SEL1L2: variants seen among roughly 807,000 people sequenced by gnomAD.
SEL1L2 encodes protein sel-1 homolog 2.
A neutral mutation model predicts 98.8 loss-of-function variants in SEL1L2; 89 were observed. The ratio of observed to expected loss-of-function variants is 0.90; its 90% CI spans 0.76 to 1.07. The LOEUF is 1.07. Among genes scored for constraint, SEL1L2 ranks in the 50% least tolerant of loss-of-function variants. SEL1L2 has a pLI of 0.00. For synonymous variants in SEL1L2, 262 were observed against 278.5 expected (o/e 0.94, Z 0.59); for missense variants, 788 against 812.0 (o/e 0.97, Z 0.36).
intron 2 of SEL1L2, among the ~76,000 whole-genome samples, chr20:13,933,136 G>A (rs1027379505): frequency 1.3e-5 from 2 of 152,024 alleles, no homozygotes; most frequent in African/African-American, 2.4e-5. Flanking sequence ...TTGAACCTGC[G>A]AGGCGGAGGT....
intron 1 of SEL1L2, 76 bp from the exon 2 acceptor site, chr20:13,956,207 T>TA (rs1038903802): frequency 3.1e-5 from 23 of 738,824 alleles, no homozygotes; most frequent in African/African-American, 7.4e-5. Flanking sequence ...AATTTATTGT[T>TA]AAAAAAACTT....
chr20:13,968,586 T>C (rs1249236474), intron 1 of SEL1L2, among the ~76,000 whole-genome samples: 1 of 152,230 alleles, frequency 6.6e-6, no homozygotes, highest in Non-Finnish European at 1.5e-5. Context: ...AGTCAGTGAG[T>C]TGCTCATTGC....
At chr20:13,930,728 C>T (rs1172779687) in intron 3 of SEL1L2, among the ~76,000 whole-genome samples, 1 of 152,162 alleles carries the variant, frequency 6.6e-6, no homozygotes. Flanking sequence ...CAGAGACTAA[C>T]ATCAATGAGT....
At chr20:13,850,397 T>C in intron 18 of SEL1L2, 78 bp from the exon 19 acceptor site, 1 of 1,506,822 alleles carries the variant, frequency 6.6e-7, no homozygotes, top group Non-Finnish European at 9.2e-7. Context: ...CAATATCAAA[T>C]GTAATTAAGG....
chr20:13,913,908 T>G lies in SEL1L2; in HGVS notation c.423A>C (p.Gly141=), dbSNP rs775114763. 5.1e-6 allele frequency: 8 copies of G among 1,564,182 alleles called. No individual in the cohort carries two copies. In the South Asian group the frequency reaches 8.7e-5, roughly 17 times the overall value. ...CCATTTTCTCCATAGCTTTCAAGTT[T>G]CCCATGTCAGCTGCTTTGGCAAAAA... ...YLLFAKAADM[G]NLKAMEKMAD... is the part of the protein sequence containing the mutation. The change falls in exon 5 of 20, where the codon GGA becomes GGC. Residue 141 remains glycine (G), a synonymous_variant. Coordinates refer to ENST00000284951, the MANE Select transcript of SEL1L2 (RefSeq NM_025229.2).
At chr20:13,953,501 C>G (rs2050373246) in intron 2 of SEL1L2, among the ~76,000 whole-genome samples, 1 of 152,166 alleles carries the variant, frequency 6.6e-6, no homozygotes. Context: ...GTTAGATGTA[C>G]TTCTGCAGAG....
At chr20:13,951,483 C>A (rs145417535) in intron 2 of SEL1L2, among the ~76,000 whole-genome samples, 2 of 136,208 alleles carry the variant, frequency 1.5e-5, no homozygotes, top group African/African-American at 5.5e-5. Flanking sequence ...CACCTACAGT[C>A]CCAGCCTGGG....
chr20:13,885,323 G>A (rs1441046743), intron 10 of SEL1L2, 24 bp downstream of exon 10: 1 of 1,509,958 alleles, frequency 6.6e-7, no homozygotes, highest in African/African-American at 1.4e-5. Flanking sequence ...CACCCCATTT[G>A]ACTGGATCTT....
At position 13,872,689 on chromosome 20, in the gene SEL1L2, T is replaced by A. The variant is rs113993758; in HGVS notation, c.1105-2486A>T. Among the ~76,000 whole-genome samples the A allele has an allele frequency of 1.2e-3, 182 of 152,130 alleles. 3 individuals are homozygous for A. Among genetic ancestry groups the A allele is most frequent in the African/African-American group, 4.1e-3 (170 of 41,496 alleles). On this transcript the variant is annotated intron_variant, in intron 12 of 19. Transcript: ENST00000284951. ...GTTAGAATAGCAGGGACAAATTACTTTCTCCTCTAAGGGAGTCCCTGGGAT... is the reference window on the plus strand; with the variant it reads ...GTTAGAATAGCAGGGACAAATTACTATCTCCTCTAAGGGAGTCCCTGGGAT...
chr20:13,931,667 ATTC>A lies in SEL1L2; in HGVS notation c.216_218del (p.Lys72del). Reference sequence around the variant, plus strand: ...TTCCTTTTATTCTTATTTTACGTTGATTCTTCTTTTTCTCCAGGAGATTTTCTC... The same window carrying A: ...TTCCTTTTATTCTTATTTTACGTTGATTCTTTTTCTCCAGGAGATTTTCTC... On this transcript the variant is annotated inframe_deletion, in exon 3 of 20. Transcript: ENST00000284951. 3 of 1,532,512 alleles carry A rather than the reference ATTC, an allele frequency of 2.0e-6. No individual in the cohort carries two copies. The highest frequency in any genetic ancestry group is 1.8e-6 in the Non-Finnish European group (2 of 1,127,172). The allele number at this position is 1,532,512 out of a possible 1,614,324, so 94.9% of individuals were successfully genotyped here.
intron 1 of SEL1L2, among the ~76,000 whole-genome samples, chr20:13,956,709 T>C (rs935007531): frequency 4.6e-5 from 7 of 152,132 alleles, no homozygotes; most frequent in Non-Finnish European, 7.4e-5. Context: ...ACTATATATA[T>C]ATCATATAGA....
intron 2 of SEL1L2, among the ~76,000 whole-genome samples, chr20:13,950,445 T>G (rs1227295304): frequency 1.3e-5 from 2 of 152,054 alleles, no homozygotes; most frequent in African/African-American, 4.8e-5. Flanking sequence ...AGCCAAGTAA[T>G]AAGGGAAATG....
intron 3 of SEL1L2, among the ~76,000 whole-genome samples, chr20:13,927,100 C>T (rs1308342890): frequency 6.6e-6 from 1 of 152,026 alleles, no homozygotes; most frequent in African/African-American, 2.4e-5. Context: ...GTTAAAATAC[C>T]CTGAGGAAAA....
intron 1 of SEL1L2, among the ~76,000 whole-genome samples, chr20:13,958,000 TATGA>T (rs1241936190): frequency 6.6e-6 from 1 of 152,198 alleles, no homozygotes; most frequent in Non-Finnish European, 1.5e-5. Context: ...AGGTTCAAGA[TATGA>T]ATAAGTTTTA....
chr20:13,974,475 C>CTCTTTTTTTTTT (rs71335938), intron 1 of SEL1L2, among the ~76,000 whole-genome samples: 1 of 80,180 alleles, frequency 1.2e-5, no homozygotes, highest in Non-Finnish European at 2.2e-5. Flanking sequence ...CTCTCTCTCT[C>CTCTTTTTTTTTT]TTTTTTTTTT....
chr20:13,888,076 T>G, intron 6 of SEL1L2, 75 bp from the exon 7 acceptor site: 1 of 1,277,202 alleles, frequency 7.8e-7, no homozygotes, highest in Non-Finnish European at 1.1e-6. Context: ...AAACCAAGTA[T>G]TCCATTTTTA....
chr20:13,977,781 T>C (rs771502651), intron 1 of SEL1L2, among the ~76,000 whole-genome samples: 6 of 152,144 alleles, frequency 3.9e-5, no homozygotes, highest in African/African-American at 4.8e-5. Context: ...CAAAAAGTAG[T>C]AGTAATTGTT....
chr20:13,909,609 G>T (rs1415014597), intron 5 of SEL1L2, among the ~76,000 whole-genome samples: 1 of 152,122 alleles, frequency 6.6e-6, no homozygotes, highest in Non-Finnish European at 1.5e-5. Flanking sequence ...GAGGAATAAG[G>T]GTGGATGTCA....
chr20:13,993,613 G>A (rs1601084957), upstream of SEL1L2, among the ~76,000 whole-genome samples: 1 of 152,188 alleles, frequency 6.6e-6, no homozygotes, highest in South Asian at 2.1e-4. Flanking sequence ...GAAAGCACAT[G>A]TGGAAGGACT....
Sources: allele counts gnomAD v4.1 joint callset (sites outside exome capture counted in the v4.1 genomes callset), GRCh38; gene constraint gnomAD v4.1.1; transcripts MANE v1.5; gene names NCBI Gene and HGNC (gene_info 2026-07-23, HGNC 2026-07-21).